HECTD4: variants seen among roughly 807,000 people sequenced by gnomAD.
HECTD4 encodes the protein probable E3 ubiquitin-protein ligase HECTD4.
Under a neutral mutation model 471.5 loss-of-function variants are expected in HECTD4, and 114 were observed. That is an observed-to-expected ratio of 0.24 (90% CI 0.21 to 0.28). The LOEUF (loss-of-function observed/expected upper bound fraction) is 0.28, where lower values mean the gene tolerates loss of function less well. HECTD4 is among the 10% of genes least tolerant of loss of function. The pLI, the probability that HECTD4 is intolerant of heterozygous loss-of-function variation, is 1.00. For synonymous variants in HECTD4, 2,012 were observed against 2,256.0 expected, an observed-to-expected ratio of 0.89 and a Z score of 3.07; for missense variants, 3,866 against 5,651.5, an observed-to-expected ratio of 0.68 and a Z score of 10.13.
chr12:112,226,413 C>A, intron 44 of HECTD4: 1 of 380,800 alleles, frequency 2.6e-6, no homozygotes, highest in East Asian at 3.8e-5. Context: ...AACACTCTGA[C>A]ATGGTCCTAA....
At chr12:112,349,814 G>T (rs2036221002) in intron 1 of HECTD4, among the ~76,000 whole-genome samples, 1 of 152,076 alleles carries the variant, frequency 6.6e-6, no homozygotes, top group African/African-American at 2.4e-5. Context: ...TGAAAGCAAA[G>T]GAGAAAAATT....
intron 1 of HECTD4, among the ~76,000 whole-genome samples, chr12:112,345,098 C>T (rs144670389): frequency 6.6e-6 from 1 of 151,490 alleles, no homozygotes; most frequent in South Asian, 2.1e-4. Flanking sequence ...TTAAAAATTG[C>T]CAAAAATAGT....
chr12:112,197,646 T>G (rs1337965004), intron 55 of HECTD4, among the ~76,000 whole-genome samples: 1 of 152,246 alleles, frequency 6.6e-6, no homozygotes, highest in African/African-American at 2.4e-5. Flanking sequence ...GCATTAACAC[T>G]GATTAAACAT....
chr12:112,261,284 A>G (rs377641502), intron 18 of HECTD4, 21 bp downstream of exon 18: 9 of 1,538,620 alleles, frequency 5.8e-6, no homozygotes, highest in Non-Finnish European at 8.0e-6. Context: ...AGCTGGTCAC[A>G]GCCCACAATC....
At chr12:112,286,697 G>A (rs374302639) in intron 7 of HECTD4, among the ~76,000 whole-genome samples, 6 of 151,752 alleles carry the variant, frequency 4.0e-5, no homozygotes, top group East Asian at 3.9e-4. Flanking sequence ...GTCCCACCCC[G>A]CCCCACCAAA....
chr12:112,230,922 T>C (rs2033363712), intron 39 of HECTD4, 100 bp from the exon 40 acceptor site: 1 of 1,127,558 alleles, frequency 8.9e-7, no homozygotes, highest in Non-Finnish European at 1.2e-6. Context: ...CTTTTCTTTT[T>C]ATACAAGAAA....
At chr12:112,234,716 A>G (rs1192720292) in intron 37 of HECTD4, among the ~76,000 whole-genome samples, 1 of 152,222 alleles carries the variant, frequency 6.6e-6, no homozygotes, top group African/African-American at 2.4e-5. Flanking sequence ...CAACAGCTGA[A>G]GGATGCCAAC....
chr12:112,308,864 C>G lies in HECTD4; in HGVS notation c.1053G>C (p.Glu351Asp), dbSNP rs1192240145. 6.5e-7 allele frequency: 1 copy of G among 1,536,064 alleles called. No individual in the cohort carries two copies. ...CAAAAGCCACCCATCCTGGTTCCAA[C>G]TCCTCGTTCCGGCAGTACACAAAAC... ...LRGFVYCRNE[E>D]LEPGWVAFGS... The change falls in exon 6 of 76, where the codon GAG becomes GAC. Residue 351 changes from glutamate to aspartate, a missense_variant. Glu to Asp is a conservative substitution (Grantham distance 45, BLOSUM62 2). This residue lies in a region of HECTD4 where 440 missense variants were observed against 636.0 expected (regional missense o/e 0.69). Transcript: ENST00000682272.
rs771253864 is a variant in HECTD4 at position 112,163,517 on chromosome 12, C to G, written c.12897+25G>C. ...ACGCCTGGGGCTCACCACCTCCCCG[C>G]CCAGCCTGGCCCTGGGATGTCTACC... On this transcript the variant is annotated intron_variant, in intron 74 of 75. Transcript: ENST00000682272. The surrounding 1 kb of genome is among the most constrained non-coding windows in gnomAD (Gnocchi z 8.2). 2.8e-6 allele frequency: 4 copies of G among 1,450,014 alleles called. No homozygotes were observed. The African/African-American group carries it at 4.3e-5, about 16-fold the overall frequency. 89.8% of individuals were successfully genotyped at this position (1,450,014 alleles called of 1,614,324 possible). A position where few individuals can be genotyped will look rare whatever the true frequency, so the allele number is the denominator to read the frequency against.
intron 1 of HECTD4, among the ~76,000 whole-genome samples, chr12:112,336,324 C>T (rs2035957637): frequency 6.6e-6 from 1 of 151,992 alleles, no homozygotes; most frequent in African/African-American, 2.4e-5. Flanking sequence ...GAGATCAAGA[C>T]CATTCTGGCT....
intron 32 of HECTD4, among the ~76,000 whole-genome samples, chr12:112,242,423 G>C (rs1234526070): frequency 6.6e-6 from 1 of 151,342 alleles, no homozygotes; most frequent in South Asian, 2.1e-4. Flanking sequence ...GACCAGCCTG[G>C]GCAACATGGC....
chr12:112,205,884 G>A (rs751333660), intron 52 of HECTD4, among the ~76,000 whole-genome samples: 1 of 152,038 alleles, frequency 6.6e-6, no homozygotes, highest in Non-Finnish European at 1.5e-5. Context: ...GTGAGCCACC[G>A]TGCCTGGCCA....
chr12:112,199,066 G>A (rs530770074), intron 55 of HECTD4, among the ~76,000 whole-genome samples: 5 of 152,224 alleles, frequency 3.3e-5, no homozygotes, highest in Admixed American at 3.3e-4. Flanking sequence ...TAGGACACGG[G>A]GCTGTTGAGC....
Position 112,382,068 on chromosome 12 carries a change from G to C in HECTD4, c.61C>G (p.Leu21Val). Residue 21 changes from leucine (L) to valine (V), a missense_variant, in exon 1 of 76, where the codon CTC (leucine) becomes GTC (valine). Around this residue, in one of 16 missense-constraint regions of HECTD4, gnomAD observed 440 missense variants for 636.0 expected, o/e 0.69. Transcript: ENST00000682272. ...AAAAADSAQW[L>V]SVKEETIFLH... Reference sequence around the variant, plus strand: ...AAGATGGTCTCTTCCTTCACCGAGAGCCACTGCGCCGAGTCAGCGGCCGCC... The same window carrying C: ...AAGATGGTCTCTTCCTTCACCGAGACCCACTGCGCCGAGTCAGCGGCCGCC... 1 of 1,226,778 alleles carries C rather than the reference G, an allele frequency of 8.2e-7. No homozygotes were observed. Among genetic ancestry groups the C allele is most frequent in the Non-Finnish European group, 1.0e-6 (1 of 985,318 alleles). The allele number at this position is 1,226,778 out of a possible 1,614,324, so 76.0% of individuals were successfully genotyped here.
intron 44 of HECTD4, among the ~76,000 whole-genome samples, chr12:112,223,538 GC>G (rs1421701303): frequency 1.3e-5 from 2 of 152,088 alleles, no homozygotes; most frequent in African/African-American, 4.8e-5. Flanking sequence ...TTATGCCTCA[GC>G]CTCCCAAGTA....
intron 2 of HECTD4, among the ~76,000 whole-genome samples, chr12:112,316,402 A>G (rs949040729): frequency 6.6e-6 from 1 of 152,146 alleles, no homozygotes; most frequent in Non-Finnish European, 1.5e-5. Context: ...ATTCCTCTCT[A>G]CAATGATCTG....
chr12:112,302,500 C>T (rs1158830555), intron 7 of HECTD4: 4 of 739,714 alleles, frequency 5.4e-6, no homozygotes, highest in East Asian at 2.5e-5. Context: ...CATAGCGGGC[C>T]ATTTCACAAA....
chr12:112,325,293 A>G (rs549611812), intron 1 of HECTD4, among the ~76,000 whole-genome samples: 8 of 152,358 alleles, frequency 5.3e-5, no homozygotes, highest in African/African-American at 1.9e-4. Context: ...ATATTATATA[A>G]CATACACACT....
In HECTD4 at chr12:112,184,713, C is replaced by T. The variant is rs368304975; in HGVS notation, c.10253G>A (p.Arg3418His). ...CCCGCCGTGGGCGTTGCAGGCCTTG[C>T]GGATGGCGCCTCTGACTACGCCCTC... ...LDEGVVRGAI[R>H]KACNAHGGVF... Residue 3418 changes from arginine (R) to histidine (H), a missense_variant, in exon 61 of 76, where the codon CGC becomes CAC. Around this residue, in one of 16 missense-constraint regions of HECTD4, gnomAD observed 71 missense variants for 144.5 expected, o/e 0.49. Coordinates refer to ENST00000682272, the MANE Select transcript of HECTD4 (RefSeq NM_001388303.1). This position sits in a 1 kb window ranked among gnomAD's most constrained non-coding sequence, Gnocchi z 9.1. The T allele has an allele frequency of 2.6e-5, 42 of 1,612,874 alleles. No individual in the cohort carries two copies. The highest frequency in any genetic ancestry group is 3.5e-5 in the Non-Finnish European group (41 of 1,179,308).
Sources: allele counts gnomAD v4.1 joint callset (sites outside exome capture counted in the v4.1 genomes callset), GRCh38; gene constraint gnomAD v4.1.1; regional missense constraint gnomAD v4.1.1; non-coding constraint Gnocchi (gnomAD v3.1); transcripts MANE v1.5; gene names NCBI Gene and HGNC (gene_info 2026-07-23, HGNC 2026-07-21).